The following RPSA2 variants were observed in gnomAD, a reference collection of about 807,000 sequenced individuals.
RPSA2 encodes the protein ribosomal protein SA 2, also known as small ribosomal subunit protein uS2B.
chr19:23,761,054 A>G, the RPSA2 span, among the ~76,000 whole-genome samples: 13 of 79,090 alleles, frequency 1.6e-4, no homozygotes, highest in African/African-American at 6.5e-4. Flanking sequence ...ATATATGTGT[A>G]TATATATATA....
chr19:23,780,359 A>G, the RPSA2 span, among the ~76,000 whole-genome samples: 2 of 152,040 alleles, frequency 1.3e-5, no homozygotes, highest in East Asian at 3.9e-4. Context: ...AACTGTGACT[A>G]TCGGCCGGGC....
the RPSA2 span, among the ~76,000 whole-genome samples, chr19:23,800,843 C>T: frequency 6.6e-6 from 1 of 152,126 alleles, no homozygotes; most frequent in Non-Finnish European, 1.5e-5. Context: ...GAACTCCTGA[C>T]CTCAGGTGAT....
chr19:23,804,811 T>TAGAATCACATG, the RPSA2 span, among the ~76,000 whole-genome samples: 1 of 152,178 alleles, frequency 6.6e-6, no homozygotes, highest in African/African-American at 2.4e-5. Context: ...GACTTCTAAT[T>TAGAATCACATG]AGAATCACAT....
At chr19:23,827,663 G>A in the RPSA2 span, 1 of 1,597,086 alleles carries the variant, frequency 6.3e-7, no homozygotes, top group East Asian at 2.2e-5. Flanking sequence ...CAACAAGGGA[G>A]CTCACTCAGT....
the RPSA2 span, among the ~76,000 whole-genome samples, chr19:23,777,569 C>A: frequency 6.6e-6 from 1 of 152,188 alleles, no homozygotes; most frequent in African/African-American, 2.4e-5. Context: ...CCTGCCTGGG[C>A]CCTGCCCACA....
At chr19:23,849,777 T>C in the RPSA2 span, among the ~76,000 whole-genome samples, 2 of 152,144 alleles carry the variant, frequency 1.3e-5, no homozygotes, top group African/African-American at 4.8e-5. Flanking sequence ...CTAAACCATA[T>C]GAGTCATTTT....
chr19:23,758,824 G>T, the RPSA2 span: 1 of 1,595,954 alleles, frequency 6.3e-7, no homozygotes. Context: ...CATAGAGGCT[G>T]GGCCTCTAGA....
the RPSA2 span, among the ~76,000 whole-genome samples, chr19:23,789,658 C>T: frequency 1.5e-4 from 23 of 151,958 alleles, no homozygotes; most frequent in Admixed American, 7.2e-4. Context: ...ATAAAGCTCT[C>T]GGGTGGCACA....
chr19:23,822,375 T>C, the RPSA2 span, among the ~76,000 whole-genome samples: 1 of 152,194 alleles, frequency 6.6e-6, no homozygotes. Flanking sequence ...GGCTATCCTT[T>C]GACACTCCTT....
chr19:23,796,790 TC>T, the RPSA2 span, among the ~76,000 whole-genome samples: 1 of 152,008 alleles, frequency 6.6e-6, no homozygotes, highest in African/African-American at 2.4e-5. Context: ...TAGTAATGTC[TC>T]CTGTTATTTC....
chr19:23,834,908 C>A, the RPSA2 span, among the ~76,000 whole-genome samples: 1 of 151,946 alleles, frequency 6.6e-6, no homozygotes, highest in Non-Finnish European at 1.5e-5. Context: ...TTCTTATTTT[C>A]ACATTTAAAT....
chr19:23,852,484 T>C, the RPSA2 span, among the ~76,000 whole-genome samples: 1 of 152,224 alleles, frequency 6.6e-6, no homozygotes, highest in Non-Finnish European at 1.5e-5. Flanking sequence ...ATTGTTTCTA[T>C]AGATGTTAAA....
At chr19:23,792,530 A>C in the RPSA2 span, among the ~76,000 whole-genome samples, 1 of 151,744 alleles carries the variant, frequency 6.6e-6, no homozygotes, top group Non-Finnish European at 1.5e-5. Flanking sequence ...TAAAAAATTG[A>C]ATTTCGAAGG....
the RPSA2 span, among the ~76,000 whole-genome samples, chr19:23,829,728 T>C: frequency 6.6e-6 from 1 of 152,250 alleles, no homozygotes. Context: ...CTTTATTACA[T>C]CTTCCCTCAA....
At chr19:23,846,562 T>G in the RPSA2 span, among the ~76,000 whole-genome samples, 2 of 152,168 alleles carry the variant, frequency 1.3e-5, no homozygotes, top group African/African-American at 4.8e-5. Context: ...CTATTGGTAG[T>G]TAGTTTCCCC....
the RPSA2 span, among the ~76,000 whole-genome samples, chr19:23,866,661 A>G: frequency 6.6e-6 from 1 of 152,022 alleles, no homozygotes; most frequent in Non-Finnish European, 1.5e-5. Context: ...AGGCCCCTCA[A>G]GCCATGAGGG....
chr19:23,806,904 C>A, the RPSA2 span, among the ~76,000 whole-genome samples: 6 of 151,694 alleles, frequency 4.0e-5, no homozygotes, highest in African/African-American at 1.5e-4. Flanking sequence ...CTATCTTGGA[C>A]TTTCCATATA....
At chr19:23,837,661 T>G in the RPSA2 span, among the ~76,000 whole-genome samples, 1 of 152,134 alleles carries the variant, frequency 6.6e-6, no homozygotes, top group Non-Finnish European at 1.5e-5. Flanking sequence ...TAGTTTTCCT[T>G]CTTTTGGCTC....
the RPSA2 span, among the ~76,000 whole-genome samples, chr19:23,840,146 C>T: frequency 1.3e-5 from 2 of 152,290 alleles, no homozygotes; most frequent in African/African-American, 4.8e-5. Flanking sequence ...AAAACTGTGT[C>T]CACATTTTCT....
Sources: allele counts gnomAD v4.1 joint callset (sites outside exome capture counted in the v4.1 genomes callset), GRCh38; gene constraint gnomAD v4.1.1; transcripts MANE v1.5; gene names NCBI Gene and HGNC (gene_info 2026-07-23, HGNC 2026-07-21).